The following NAV3 variants were observed in gnomAD, a reference collection of about 807,000 sequenced individuals.
NAV3 encodes the protein neuron navigator 3.
NAV3 carries 87 observed loss-of-function variants against 244.7 expected under a neutral mutation model. That is an observed-to-expected ratio of 0.36 (90% CI 0.30 to 0.42). NAV3 has a LOEUF of 0.42. NAV3 is among the 20% of genes least tolerant of loss of function. The pLI is 1.00. For missense variants in NAV3, 2,663 were observed against 2,893.3 expected (o/e 0.92, Z 1.83); for synonymous variants, 1,126 against 1,042.2 (o/e 1.08, Z -1.55).
intron 2 of NAV3, among the ~76,000 whole-genome samples, chr12:77,810,150 C>T (rs545708577): frequency 1.0e-3 from 157 of 152,134 alleles, no homozygotes; most frequent in African/African-American, 3.7e-3. Context: ...TTGTACAAGA[C>T]CCATTATATG....
At chr12:77,994,273 A>G (rs1408101203) in intron 5 of NAV3, among the ~76,000 whole-genome samples, 1 of 152,250 alleles carries the variant, frequency 6.6e-6, no homozygotes, top group Non-Finnish European at 1.5e-5. Context: ...TTAGTACTAG[A>G]GATCAGCAAT....
At chr12:78,049,459 G>T (rs1464262953) in intron 9 of NAV3, among the ~76,000 whole-genome samples, 1 of 152,190 alleles carries the variant, frequency 6.6e-6, no homozygotes, top group African/African-American at 2.4e-5. Flanking sequence ...TTGGCTAGGG[G>T]AGGGAGTTCC....
chr12:77,985,267 G>T (rs537584087), intron 5 of NAV3, among the ~76,000 whole-genome samples: 2 of 152,084 alleles, frequency 1.3e-5, no homozygotes, highest in Non-Finnish European at 1.5e-5. Flanking sequence ...GTCAATAAAA[G>T]TCTTTTCAAT....
chr12:77,849,445 A>G (rs1877155248), intron 1 of NAV3, among the ~76,000 whole-genome samples: 1 of 152,090 alleles, frequency 6.6e-6, no homozygotes, highest in Non-Finnish European at 1.5e-5. Context: ...CCAAAATCTG[A>G]AACTTTTTGG....
chr12:77,585,969 T>C (rs1400675317), intron 2 of NAV3, among the ~76,000 whole-genome samples: 1 of 152,226 alleles, frequency 6.6e-6, no homozygotes, highest in East Asian at 1.9e-4. Flanking sequence ...GAGACCATCC[T>C]GGCGAACATG....
At chr12:77,687,202 A>G (rs1283524923) in intron 2 of NAV3, among the ~76,000 whole-genome samples, 3 of 152,134 alleles carry the variant, frequency 2.0e-5, no homozygotes, top group East Asian at 3.8e-4. Context: ...GCTGTTGTGC[A>G]GCATTCTCTC....
At chr12:78,041,441 G>A (rs748240131) in intron 9 of NAV3, among the ~76,000 whole-genome samples, 6 of 152,208 alleles carry the variant, frequency 3.9e-5, no homozygotes, top group Admixed American at 6.5e-5. Flanking sequence ...GGAATTAGCC[G>A]TTGTGTTGCA....
At chr12:78,175,932 G>C (rs896472856) in intron 25 of NAV3, among the ~76,000 whole-genome samples, 2 of 151,570 alleles carry the variant, frequency 1.3e-5, no homozygotes, top group Non-Finnish European at 3.0e-5. Context: ...GGAGGAAAAG[G>C]AGAATGGGAG....
At chr12:77,942,069 C>T (rs893482164) in intron 3 of NAV3, among the ~76,000 whole-genome samples, 3 of 152,154 alleles carry the variant, frequency 2.0e-5, no homozygotes, top group Admixed American at 1.3e-4. Context: ...GATTAACTAT[C>T]ATGTATATTT....
At chr12:77,814,813 A>G (rs1015649539) in intron 2 of NAV3, among the ~76,000 whole-genome samples, 1 of 152,238 alleles carries the variant, frequency 6.6e-6, no homozygotes, top group Non-Finnish European at 1.5e-5. Flanking sequence ...TAAGACACTA[A>G]TTAATACACT....
At position 78,006,907 on chromosome 12, in the gene NAV3, A is replaced by C; in HGVS notation, c.1369A>C (p.Ser457Arg). The C allele has an allele frequency of 1.2e-6, 2 of 1,614,094 alleles. No homozygotes were observed. The highest frequency in any genetic ancestry group is 1.7e-6 in the Non-Finnish European group (2 of 1,179,998). Residue 457 changes from serine (S) to arginine (R), a missense_variant, in exon 8 of 40, where the codon AGC (serine) becomes CGC (arginine). This residue lies in a region of NAV3 where 1,521 missense variants were observed against 1,497.0 expected (regional missense o/e 1.02). Coordinates refer to ENST00000397909, the MANE Select transcript of NAV3 (RefSeq NM_001024383.2). ...APPKAGSKNL[S>R]NKKSLLQPKE... ...TCCAAAAGCTGGAAGCAAAAATCTC[A>C]GCAATAAAAAGTCTTTGCTACAGCC...
intron 2 of NAV3, among the ~76,000 whole-genome samples, chr12:77,753,659 G>A (rs961831305): frequency 4.6e-5 from 7 of 152,180 alleles, no homozygotes; most frequent in Non-Finnish European, 1.0e-4. Context: ...GTAGAAAAAG[G>A]AGGGGGAAGT....
At position 78,007,111 on chromosome 12, in the gene NAV3, A is replaced by T. The variant is rs200464108; in HGVS notation, c.1573A>T (p.Ser525Cys). 6.2e-7 allele frequency: 1 copy of T among 1,614,044 alleles called. No homozygotes were observed. The highest frequency in any genetic ancestry group is 1.1e-5 in the South Asian group (1 of 91,086). Reference sequence around the variant, plus strand: ...GAAGGAAAGCTTAATTCCGTCTTCCAGTGGTATTCCAAAACCAGGCTCTAA... The same window carrying T: ...GAAGGAAAGCTTAATTCCGTCTTCCTGTGGTATTCCAAAACCAGGCTCTAA... ...AKKESLIPSS[S>C]GIPKPGSKVP... The change falls in exon 8 of 40, where the codon AGT becomes TGT. Residue 525 changes from serine to cysteine, a missense_variant. Physicochemically the swap from Ser to Cys is moderately radical, Grantham distance 112 (BLOSUM62 -1). Transcript: ENST00000397909.
intron 2 of NAV3, among the ~76,000 whole-genome samples, chr12:77,777,468 A>T (rs1289545459): frequency 6.6e-6 from 1 of 152,192 alleles, no homozygotes; most frequent in Non-Finnish European, 1.5e-5. Flanking sequence ...GTGTGGATAC[A>T]CTGGACAAAA....
At chr12:78,015,112 G>A (rs571173315) in intron 8 of NAV3, among the ~76,000 whole-genome samples, 22 of 152,184 alleles carry the variant, frequency 1.4e-4, no homozygotes, top group African/African-American at 5.3e-4. Context: ...GCTTGATTAC[G>A]AGGTTCATGG....
At chr12:78,184,738 T>C (rs1958641627) in intron 30 of NAV3, among the ~76,000 whole-genome samples, 1 of 151,746 alleles carries the variant, frequency 6.6e-6, no homozygotes, top group African/African-American at 2.4e-5. Context: ...TTGAGTCCTC[T>C]TTTCACCAGG....
chr12:77,629,757 T>C (rs948664718), intron 2 of NAV3, among the ~76,000 whole-genome samples: 1 of 152,150 alleles, frequency 6.6e-6, no homozygotes, highest in Admixed American at 6.6e-5. Context: ...AGTTAAAAAC[T>C]CTCCCCTCTG....
At chr12:78,147,422 T>G (rs1021557117) in intron 21 of NAV3, among the ~76,000 whole-genome samples, 2 of 152,052 alleles carry the variant, frequency 1.3e-5, no homozygotes, top group African/African-American at 4.8e-5. Flanking sequence ...TTCAATCACT[T>G]TACAGTTTCC....
At chr12:77,755,469 TCCTTCCTC>T (rs1416297595) in intron 2 of NAV3, among the ~76,000 whole-genome samples, 2 of 151,078 alleles carry the variant, frequency 1.3e-5, no homozygotes, top group Admixed American at 6.6e-5. Context: ...TTCTTTTCCT[TCCTTCCTC>T]CCTTCCTCCC....
Sources: gnomAD v4.1 joint callset for allele counts (sites outside exome capture counted in the v4.1 genomes callset) on GRCh38, gnomAD v4.1.1 for gene constraint, gnomAD v4.1.1 regional missense constraint, MANE v1.5 for transcripts, NCBI Gene and HGNC (gene_info 2026-07-23, HGNC 2026-07-21) for gene names.